Variants in ANXA2 observed in about 807,000 individuals in gnomAD.
The protein encoded by ANXA2 is annexin II.
A neutral mutation model predicts 47.3 loss-of-function variants in ANXA2; 28 were observed. That is an observed-to-expected ratio of 0.59 (90% CI 0.44 to 0.81). The LOEUF is 0.81. Ranked by LOEUF, ANXA2 falls within the 40% of genes least tolerant of loss-of-function variation. ANXA2 has a pLI of 0.00. For synonymous variants in ANXA2, 172 were observed against 155.5 expected, an observed-to-expected ratio of 1.11 and a Z score of -0.79; for missense variants, 384 against 414.3, an observed-to-expected ratio of 0.93 and a Z score of 0.64.
At chr15:60,390,194 A>C (rs929250357) in intron 1 of ANXA2, 1 of 851,134 alleles carries the variant, frequency 1.2e-6, no homozygotes, top group African/African-American at 1.8e-5. Context: ...CATCACAATA[A>C]CCACAAAGTC....
At chr15:60,355,658 T>C (rs2062417213) in intron 7 of ANXA2, 7 of 536,012 alleles carry the variant, frequency 1.3e-5, no homozygotes, top group South Asian at 1.2e-4. Context: ...CTCTGGCACA[T>C]AAATCCAGGC....
At chr15:60,376,380 C>CAAAAAAAAA (rs1186735863) in intron 3 of ANXA2, among the ~76,000 whole-genome samples, 2 of 134,976 alleles carry the variant, frequency 1.5e-5, no homozygotes, top group Non-Finnish European at 3.2e-5. Context: ...AACTCTGTCT[C>CAAAAAAAAA]AAAAAAAAAA....
intron 1 of ANXA2, chr15:60,393,315 G>T: frequency 1.0e-6 from 1 of 998,742 alleles, no homozygotes; most frequent in Non-Finnish European, 1.2e-6. Flanking sequence ...GAAAGAGACC[G>T]GCAGGAAGAA....
At chr15:60,370,496 C>T (rs1595687011) in intron 3 of ANXA2, among the ~76,000 whole-genome samples, 1 of 152,246 alleles carries the variant, frequency 6.6e-6, no homozygotes, top group East Asian at 1.9e-4. Flanking sequence ...ACTGCTGCTT[C>T]CTCTTGCCCT....
intron 1 of ANXA2, among the ~76,000 whole-genome samples, chr15:60,391,706 C>T (rs2063013415): frequency 1.3e-5 from 2 of 152,302 alleles, no homozygotes; most frequent in Middle Eastern, 3.4e-3. Context: ...ATAAAGCCTA[C>T]ATGCTGTATG....
At chr15:60,354,740 C>T (rs958870664) in intron 7 of ANXA2, among the ~76,000 whole-genome samples, 7 of 152,110 alleles carry the variant, frequency 4.6e-5, no homozygotes, top group African/African-American at 1.7e-4. Context: ...AACAATCCCC[C>T]CCTTGATACC....
At chr15:60,369,207 T>C (rs1013234718) in intron 3 of ANXA2, among the ~76,000 whole-genome samples, 1 of 152,242 alleles carries the variant, frequency 6.6e-6, no homozygotes, top group Non-Finnish European at 1.5e-5. Flanking sequence ...CAGAAGAGAT[T>C]GATTCAAAGA....
intron 1 of ANXA2, chr15:60,390,519 A>C (rs1201500041): frequency 6.2e-6 from 3 of 487,314 alleles, no homozygotes. Flanking sequence ...GGGTAGACTA[A>C]GGCAATTTTC....
In ANXA2 at chr15:60,366,235, G is replaced by T. The variant is rs1466966498; in HGVS notation, c.149-1712C>A. On this transcript the variant is annotated intron_variant, in intron 3 of 12. Coordinates refer to ENST00000451270, the MANE Select transcript of ANXA2 (RefSeq NM_004039.3). Reference sequence around the variant, plus strand: ...CAGCCGCCTGCCTTGGCCTCCCAAAGAGCCCAGATTGCAGCCTCTGCCCGG... The same window carrying T: ...CAGCCGCCTGCCTTGGCCTCCCAAATAGCCCAGATTGCAGCCTCTGCCCGG... Among the ~76,000 whole-genome samples the T allele has an allele frequency of 6.3e-3, 954 of 151,024 alleles. 6 individuals are homozygous for T. Among genetic ancestry groups the T allele is most frequent in the African/African-American group, 0.022 (908 of 41,046 alleles).
chr15:60,369,629 A>G (rs548931296), intron 3 of ANXA2, among the ~76,000 whole-genome samples: 1 of 152,358 alleles, frequency 6.6e-6, no homozygotes, highest in African/African-American at 2.4e-5. Context: ...CTTATTAAAA[A>G]CACAGTCCCT....
intron 3 of ANXA2, among the ~76,000 whole-genome samples, chr15:60,373,325 C>G (rs2062735091): frequency 6.6e-6 from 1 of 152,206 alleles, no homozygotes; most frequent in Admixed American, 6.5e-5. Context: ...CTAGAAGACT[C>G]TCTTCTGAGG....
chr15:60,374,032 G>A (rs1384420254), intron 3 of ANXA2, among the ~76,000 whole-genome samples: 1 of 152,162 alleles, frequency 6.6e-6, no homozygotes, highest in Non-Finnish European at 1.5e-5. Context: ...TCCCAAGCCT[G>A]GCACAGCTGG....
intron 3 of ANXA2, chr15:60,374,321 T>A (rs2062748701): frequency 2.7e-6 from 1 of 373,074 alleles, no homozygotes; most frequent in Admixed American, 3.5e-5. Context: ...TCAAATCAAA[T>A]CGTCAGTGAA....
intron 8 of ANXA2, 84 bp downstream of exon 8, chr15:60,354,070 T>C: frequency 9.2e-7 from 1 of 1,085,640 alleles, no homozygotes. Flanking sequence ...GGGAGTCATT[T>C]GTCACACAGA....
Position 60,357,194 on chromosome 15 carries a change from A to G in ANXA2, c.400T>C (p.Ser134Pro), listed in dbSNP as rs764686035. The G allele has an allele frequency of 1.5e-5, 24 of 1,614,180 alleles. No individual in the cohort carries two copies. The highest frequency in any genetic ancestry group is 3.3e-4 in the Middle Eastern group (2 of 6,058). The part of the protein sequence containing the change: ...DEDSLIEIIC[S>P]RTNQELQEIN... ...TCCTGCAGCTCCTGGTTGGTTCTGG[A>G]GCAGATGATCTCAATGAGAGAGTCC... The change falls in exon 6 of 13, where the codon TCC becomes CCC. Residue 134 changes from serine (S) to proline (P), a missense_variant. By Grantham distance (74) the Ser-to-Pro change is moderately conservative. Coordinates refer to ENST00000451270, the MANE Select transcript of ANXA2 (RefSeq NM_004039.3).
At chr15:60,392,931 G>T in intron 1 of ANXA2, 1 of 1,039,994 alleles carries the variant, frequency 9.6e-7, no homozygotes, top group Non-Finnish European at 1.2e-6. Context: ...GGCCACACTG[G>T]AATTTTAAAC....
rs140871735 is a variant in ANXA2, at chr15:60,364,453, G to A, written c.219C>T (p.Phe73=). ...RSNAQRQDIA[F]AYQRRTKKEL... ...CCTTTTTGGTCCTTCTCTGGTAGGC[G>A]AAGGCAATATCCTGTCTCTGTGCAT... Residue 73 remains phenylalanine (F), a synonymous_variant, in exon 4 of 13, where the codon TTC becomes TTT. Coordinates refer to ENST00000451270, the MANE Select transcript of ANXA2 (RefSeq NM_004039.3). The A allele has an allele frequency of 1.2e-3, 1,877 of 1,612,632 alleles. 4 individuals carry two copies. The highest frequency in any genetic ancestry group is 1.4e-3 in the Non-Finnish European group (1,704 of 1,179,604).
rs1386233888 is a variant in ANXA2 at position 60,364,624 on chromosome 15, C to G, written c.149-101G>C. 8 of 828,502 alleles carry G rather than the reference C, an allele frequency of 9.7e-6. No homozygotes were observed. The East Asian group carries it at 1.7e-4, about 17-fold the overall frequency. The allele number at this position is 828,502 out of a possible 1,614,324, so 51.3% of individuals were successfully genotyped here. ...ACTTTTTCAAACTGAAATTTATATA[C>G]TGTTTTCCAAACTGAAATACCCAGA... On this transcript the variant is annotated intron_variant, in intron 3 of 12. Transcript: ENST00000451270.
chr15:60,373,667 G>C (rs903958721), intron 3 of ANXA2, among the ~76,000 whole-genome samples: 1 of 152,216 alleles, frequency 6.6e-6, no homozygotes, highest in Non-Finnish European at 1.5e-5. Flanking sequence ...ATGGGACTCA[G>C]ACCTGTGAGA....
Sources: allele counts gnomAD v4.1 joint callset (sites outside exome capture counted in the v4.1 genomes callset), GRCh38; gene constraint gnomAD v4.1.1; transcripts MANE v1.5; gene names NCBI Gene and HGNC (gene_info 2026-07-23, HGNC 2026-07-21).